The following OTUD7A variants were observed in gnomAD, a reference collection of about 807,000 sequenced individuals.
The protein encoded by OTUD7A is OTU domain-containing protein 7A.
In OTUD7A, 12 loss-of-function variants were observed where a neutral mutation model predicts 65.7. That is an observed-to-expected ratio of 0.18 (90% CI 0.12 to 0.30). The LOEUF (loss-of-function observed/expected upper bound fraction) is 0.30. Ranked by LOEUF, OTUD7A falls within the 10% of genes least tolerant of loss-of-function variation. OTUD7A has a pLI of 1.00. For synonymous variants in OTUD7A, 641 were observed against 586.3 expected (o/e 1.09, Z -1.35); for missense variants, 1,148 against 1,304.8 (o/e 0.88, Z 1.85).
At chr15:31,570,472 C>T (rs2141172335) in intron 3 of OTUD7A, among the ~76,000 whole-genome samples, 1 of 119,784 alleles carries the variant, frequency 8.3e-6, no homozygotes, top group African/African-American at 2.9e-5. Flanking sequence ...CACACACACA[C>T]ACACACACAC....
rs560896384 is a variant in OTUD7A at position 31,860,677 on chromosome 15, G to GTGTATATGTATATATATA, written c.-100+9829_-100+9830insTATATATATACATATACA. 5.5e-5 allele frequency among the ~76,000 whole-genome samples: 4 copies of GTGTATATGTATATATATA among 73,284 alleles called. 2 individuals carry two copies. In the Admixed American group the frequency reaches 7.5e-4, roughly 14 times the overall value. 48.1% of individuals were successfully genotyped at this position (73,284 alleles called of 152,430 possible). On this transcript the variant is annotated intron_variant, in intron 1 of 12. Transcript: ENST00000307050. ...TGTGTGTATATATAGATGTATGTGT[G>GTGTATATGTATATATATA]TATATATATATATATATATATATGT...
chr15:31,696,720 T>C (rs545495761), intron 1 of OTUD7A, among the ~76,000 whole-genome samples: 1 of 152,010 alleles, frequency 6.6e-6, no homozygotes, highest in Admixed American at 6.5e-5. Flanking sequence ...CAGAGGGAGT[T>C]AGGGGAGTTC....
chr15:31,720,416 T>C (rs1415572885), intron 1 of OTUD7A, among the ~76,000 whole-genome samples: 1 of 151,924 alleles, frequency 6.6e-6, no homozygotes, highest in African/African-American at 2.4e-5. Flanking sequence ...TTTTTTTTTT[T>C]TTTGAGACGG....
At chr15:31,600,196 A>G (rs1165926068) in intron 3 of OTUD7A, among the ~76,000 whole-genome samples, 1 of 152,224 alleles carries the variant, frequency 6.6e-6, no homozygotes, top group African/African-American at 2.4e-5. Context: ...ATCCCAAGAT[A>G]CATAATCGTC....
intron 3 of OTUD7A, among the ~76,000 whole-genome samples, chr15:31,627,976 T>C (rs1271840324): frequency 6.6e-6 from 1 of 152,220 alleles, no homozygotes; most frequent in African/African-American, 2.4e-5. Flanking sequence ...GAGTTCATTG[T>C]AGATTCTGGA....
intron 1 of OTUD7A, among the ~76,000 whole-genome samples, chr15:31,663,406 C>A (rs1348529373): frequency 2.0e-5 from 3 of 152,058 alleles, no homozygotes; most frequent in East Asian, 1.9e-4. Flanking sequence ...TTAAGCCCTG[C>A]ATGCATTATT....
rs191378259 is a variant in OTUD7A at position 31,700,986 on chromosome 15, G to A, written c.-99-43909C>T. Among the ~76,000 whole-genome samples, 616 of 152,240 alleles carry A rather than the reference G, an allele frequency of 4.0e-3. 2 individuals carry two copies. Among genetic ancestry groups the A allele is most frequent in the Admixed American group, 7.8e-3 (119 of 15,290 alleles). On this transcript the variant is annotated intron_variant, in intron 1 of 12. Coordinates refer to ENST00000307050, the MANE Select transcript of OTUD7A (RefSeq NM_001382637.1). ...CATCAGCCGTCTCCTTCCCTGTAGT[G>A]CACAGCCTCACCTTGATCTAGTTGT...
rs536894150 is a variant in OTUD7A, at chr15:31,487,397, C to G, written c.1286+55G>C. ...GTGGTACATTCCCTCCCCAGGATGC[C>G]CCAGCCATAGCCCTCCCTGTGGGCG... On this transcript the variant is annotated intron_variant, in intron 11 of 12. Coordinates refer to ENST00000307050, the MANE Select transcript of OTUD7A (RefSeq NM_001382637.1). The surrounding 1 kb of genome is among the most constrained non-coding windows in gnomAD (Gnocchi z 6.0). 2.9e-4 allele frequency: 456 copies of G among 1,593,374 alleles called. 3 individuals carry two copies. In the South Asian group the frequency reaches 4.0e-3, roughly 14 times the overall value.
At chr15:31,602,705 C>G (rs1434689303) in intron 3 of OTUD7A, among the ~76,000 whole-genome samples, 1 of 152,120 alleles carries the variant, frequency 6.6e-6, no homozygotes, top group Non-Finnish European at 1.5e-5. Flanking sequence ...TTAGAAAACC[C>G]CACCATTTCA....
chr15:31,789,157 G>A (rs1895750341), intron 1 of OTUD7A, among the ~76,000 whole-genome samples: 1 of 152,174 alleles, frequency 6.6e-6, no homozygotes, highest in Non-Finnish European at 1.5e-5. Context: ...GACACAGAAT[G>A]TCTTCTAGCA....
At position 31,479,635 on chromosome 15, in the gene OTUD7A, C is replaced by T. The variant is rs1271805348; in HGVS notation, c.*3659G>A. On this transcript the variant is annotated 3_prime_UTR_variant, in exon 13 of 13. Transcript: ENST00000307050. ...TTTATTTTTGCAAAGTAGAATAGTT[C>T]GCAAAATAAGTTTGTGGACACTAAG... 5 of 133,164 alleles carry T rather than the reference C, an allele frequency of 3.8e-5. No homozygotes were observed. Among genetic ancestry groups the T allele is most frequent in the Non-Finnish European group, 6.1e-5 (4 of 65,132 alleles). 8.2% of individuals were successfully genotyped at this position (133,164 alleles called of 1,614,324 possible).
chr15:31,823,761 G>A (rs141405027), intron 1 of OTUD7A, among the ~76,000 whole-genome samples: 27 of 152,262 alleles, frequency 1.8e-4, no homozygotes, highest in African/African-American at 1.4e-4. Flanking sequence ...ACAGGAGGAC[G>A]CCAGAATATC....
chr15:31,774,396 C>T (rs1421992718), intron 1 of OTUD7A, among the ~76,000 whole-genome samples: 1 of 152,204 alleles, frequency 6.6e-6, no homozygotes, highest in African/African-American at 2.4e-5. Context: ...TGTCTTATCA[C>T]CAAAACATTT....
At chr15:31,704,690 A>G (rs2654074) in intron 1 of OTUD7A, among the ~76,000 whole-genome samples, 3 of 152,096 alleles carry the variant, frequency 2.0e-5, no homozygotes, top group Non-Finnish European at 4.4e-5. Flanking sequence ...CAAAAACATT[A>G]TCCAGAAAGA....
At chr15:31,840,471 A>G (rs115587027) in intron 1 of OTUD7A, among the ~76,000 whole-genome samples, 2,370 of 152,244 alleles carry the variant, frequency 0.016, 64 homozygotes, top group African/African-American at 0.054. Flanking sequence ...AATAAAAAAT[A>G]AAATTGAAGC....
At chr15:31,551,779 C>T (rs980067712) in intron 5 of OTUD7A, among the ~76,000 whole-genome samples, 2 of 152,168 alleles carry the variant, frequency 1.3e-5, no homozygotes, top group African/African-American at 4.8e-5. Flanking sequence ...CTCGGATGTC[C>T]CCTCTCTGGG....
At chr15:31,850,416 G>T (rs141556195) in intron 1 of OTUD7A, among the ~76,000 whole-genome samples, 1 of 151,844 alleles carries the variant, frequency 6.6e-6, no homozygotes, top group Non-Finnish European at 1.5e-5. Context: ...GTTGTGGGGT[G>T]GGGGGAGTGG....
intron 3 of OTUD7A, among the ~76,000 whole-genome samples, chr15:31,632,119 C>T (rs1891183405): frequency 6.6e-6 from 1 of 152,184 alleles, no homozygotes; most frequent in African/African-American, 2.4e-5. Context: ...CAGCTTTGTT[C>T]CGTTGCTGGT....
At chr15:31,862,482 T>A (rs977349502) in intron 1 of OTUD7A, among the ~76,000 whole-genome samples, 1 of 152,200 alleles carries the variant, frequency 6.6e-6, no homozygotes, top group Non-Finnish European at 1.5e-5. Flanking sequence ...CAGTTCCACA[T>A]GGCTGGTGAG....
Sources: gnomAD v4.1 joint callset for allele counts (sites outside exome capture counted in the v4.1 genomes callset) on GRCh38, gnomAD v4.1.1 for gene constraint, Gnocchi (gnomAD v3.1) non-coding constraint, MANE v1.5 for transcripts, NCBI Gene and HGNC (gene_info 2026-07-23, HGNC 2026-07-21) for gene names.